B4GALNT2: variants seen among roughly 807,000 people sequenced by gnomAD.
B4GALNT2 encodes beta-1,4-N-acetyl-galactosaminyltransferase 2 (SID blood group), also known as N-acetylneuraminylgalactosylglucosyl-glucoside beta-1,4-N- acetylgalactosaminyltransferase 2.
A neutral mutation model predicts 51.1 loss-of-function variants in B4GALNT2; 42 were observed. The observed-to-expected ratio is 0.82, with a 90% CI of 0.64 to 1.06. B4GALNT2 has a LOEUF of 1.06. Among genes scored for constraint, B4GALNT2 ranks in the 50% least tolerant of loss-of-function variants. The pLI is 0.00. For missense variants in B4GALNT2, 602 were observed against 633.6 expected, an observed-to-expected ratio of 0.95 and a Z score of 0.54; for synonymous variants, 253 against 251.7, an observed-to-expected ratio of 1.01 and a Z score of -0.05.
chr17:49,141,292 A>G lies in B4GALNT2; in HGVS notation c.60A>G (p.Val20=). 1 of 1,614,098 alleles carries G rather than the reference A, an allele frequency of 6.2e-7. No homozygotes were observed. The highest frequency in any genetic ancestry group is 8.5e-7 in the Non-Finnish European group (1 of 1,180,004). The part of the protein sequence containing the change: ...WLLKILVIIL[V]LGIVGFMFGS... Reference sequence around the variant, plus strand: ...TCAAGATATTGGTCATAATCCTGGTACTTGGCATTGTTGGATTTATGTTCG... The same window carrying G: ...TCAAGATATTGGTCATAATCCTGGTGCTTGGCATTGTTGGATTTATGTTCG... The change falls in exon 2 of 11, where the codon GTA becomes GTG. Residue 20 remains valine (V), a synonymous_variant. Transcript: ENST00000393354.
intron 7 of B4GALNT2, 35 bp downstream of exon 7, chr17:49,160,676 A>G (rs951773005): frequency 1.3e-6 from 2 of 1,566,902 alleles, no homozygotes; most frequent in African/African-American, 1.4e-5. Flanking sequence ...CGTGGTGGCA[A>G]CCCTGTGAAG....
At position 49,156,553 on chromosome 17, in the gene B4GALNT2, C is replaced by G; in HGVS notation, c.461-13C>G. The G allele has an allele frequency of 1.2e-6, 2 of 1,613,740 alleles. No individual in the cohort carries two copies. The highest frequency in any genetic ancestry group is 1.7e-6 in the Non-Finnish European group (2 of 1,179,868). The stretch of plus-strand genomic sequence containing the variant: ...CATGAGCAGTTTTCTTTCCTTTTCC[C>G]TGTGTCCTCCAGGCCTCCAGTTTGA... On this transcript the variant is annotated splice_polypyrimidine_tract_variant and intron_variant, in intron 4 of 10. Transcript: ENST00000393354.
At chr17:49,153,728 G>A (rs1171893910) in intron 4 of B4GALNT2, among the ~76,000 whole-genome samples, 3 of 151,916 alleles carry the variant, frequency 2.0e-5, no homozygotes, top group African/African-American at 4.8e-5. Context: ...GGCTAGTCTC[G>A]AATTCCTGAC....
At chr17:49,163,338 G>A (rs2042881213) in intron 7 of B4GALNT2, among the ~76,000 whole-genome samples, 3 of 152,260 alleles carry the variant, frequency 2.0e-5, no homozygotes, top group African/African-American at 7.2e-5. Context: ...CTTTTCTCTA[G>A]GAGTTGCAGA....
At chr17:49,161,895 C>T (rs2042868538) in intron 7 of B4GALNT2, among the ~76,000 whole-genome samples, 1 of 151,502 alleles carries the variant, frequency 6.6e-6, no homozygotes, top group South Asian at 2.1e-4. Context: ...TTTCAAAAAA[C>T]ATTCTTAGGG....
At chr17:49,139,665 T>A (rs1448324431) in intron 1 of B4GALNT2, among the ~76,000 whole-genome samples, 2 of 152,174 alleles carry the variant, frequency 1.3e-5, no homozygotes, top group Admixed American at 6.5e-5. Flanking sequence ...TATAGGCACA[T>A]GCCACGGTGC....
chr17:49,159,596 T>C (rs2042843880), intron 6 of B4GALNT2, among the ~76,000 whole-genome samples: 1 of 152,140 alleles, frequency 6.6e-6, no homozygotes, highest in Non-Finnish European at 1.5e-5. Context: ...TGCCTCAGCC[T>C]CCCAAAGTGC....
At chr17:49,142,733 AC>A (rs2042656741) in intron 3 of B4GALNT2, among the ~76,000 whole-genome samples, 1 of 152,002 alleles carries the variant, frequency 6.6e-6, no homozygotes, top group South Asian at 2.1e-4. Context: ...AACAAAAAAA[AC>A]AAAAGGAATG....
At chr17:49,124,213 A>G in the B4GALNT2 span, among the ~76,000 whole-genome samples, 3,177 of 152,352 alleles carry the variant, frequency 0.021, 109 homozygotes, top group African/African-American at 0.072. Context: ...CAGTTAATGC[A>G]GTTAATTTCT....
chr17:49,156,167 C>T (rs1358889155), intron 4 of B4GALNT2, among the ~76,000 whole-genome samples: 1 of 152,184 alleles, frequency 6.6e-6, no homozygotes, highest in Non-Finnish European at 1.5e-5. Context: ...CTGAATTCCC[C>T]ACTGTCCCTC....
At chr17:49,158,929 C>A in intron 5 of B4GALNT2, 108 bp from the exon 6 acceptor site, 3 of 1,304,070 alleles carry the variant, frequency 2.3e-6, no homozygotes, top group Non-Finnish European at 2.1e-6. Flanking sequence ...CTTCTCCCCT[C>A]ACCCTTATGT....
intron 7 of B4GALNT2, among the ~76,000 whole-genome samples, chr17:49,161,607 C>T (rs1433809597): frequency 6.6e-6 from 1 of 151,744 alleles, no homozygotes; most frequent in Non-Finnish European, 1.5e-5. Context: ...AGAAGTAAAA[C>T]TTGAATATAT....
intron 3 of B4GALNT2, among the ~76,000 whole-genome samples, chr17:49,151,113 G>A (rs1293279808): frequency 1 from 57,105 of 57,196 alleles, 28,512 homozygotes; most frequent in Middle Eastern, 1. Context: ...GGTGGCTCAC[G>A]CCTGTAATCC....
intron 8 of B4GALNT2, among the ~76,000 whole-genome samples, chr17:49,165,655 T>C (rs1416316730): frequency 1.4e-5 from 2 of 138,590 alleles, no homozygotes; most frequent in African/African-American, 5.4e-5. Flanking sequence ...CCCACCTCTC[T>C]CTCTCCTTGC....
intron 5 of B4GALNT2, among the ~76,000 whole-genome samples, chr17:49,157,453 T>G (rs1477990898): frequency 6.7e-6 from 1 of 149,664 alleles, no homozygotes; most frequent in Non-Finnish European, 1.5e-5. Flanking sequence ...CCCAAGTAGC[T>G]GGGACTACAG....
At position 49,173,706 on chromosome 17, in the gene B4GALNT2, G is replaced by A. The variant is rs1010619072; in HGVS notation, c.*3978G>A. 1.3e-5 allele frequency: 2 copies of A among 151,790 alleles called. No individual in the cohort carries two copies. The highest frequency in any genetic ancestry group is 6.6e-5 in the Admixed American group (1 of 15,252). 9.4% of individuals were successfully genotyped at this position (151,790 alleles called of 1,614,324 possible). ...TTCTCCCATTTCCTATCATAGTAGC[G>A]ATTTGATCCAAATAAGGAGTTAGAG... On this transcript the variant is annotated 3_prime_UTR_variant, in exon 11 of 11. Coordinates refer to ENST00000393354, the MANE Select transcript of B4GALNT2 (RefSeq NM_001159387.2).
rs2042820979 is a variant in B4GALNT2 at position 49,157,368 on chromosome 17, TG to T, written c.498+767del. Reference sequence around the variant, plus strand: ...TGGAGTCTCACTCTGTCACCTAGCCTGGAGTGCAGTGGTGCAATCTCTGCTC... The same window carrying T: ...TGGAGTCTCACTCTGTCACCTAGCCTGAGTGCAGTGGTGCAATCTCTGCTC... On this transcript the variant is annotated intron_variant, in intron 5 of 10. Transcript: ENST00000393354. Among the ~76,000 whole-genome samples the T allele has an allele frequency of 2.8e-5, 3 of 108,644 alleles. No individual in the cohort carries two copies. The South Asian group carries it at 1.3e-3, about 47-fold the overall frequency. The allele number at this position is 108,644 out of a possible 152,430, so 71.3% of individuals were successfully genotyped here. A position where few individuals can be genotyped will look rare whatever the true frequency, so the allele number is the denominator to read the frequency against.
At chr17:49,158,534 A>C (rs1488348010) in intron 5 of B4GALNT2, among the ~76,000 whole-genome samples, 1 of 148,716 alleles carries the variant, frequency 6.7e-6, no homozygotes, top group Non-Finnish European at 1.5e-5. Flanking sequence ...GCTACTCAGG[A>C]GGCTGAGGCA....
chr17:49,136,606 G>A (rs2042592890), intron 1 of B4GALNT2, among the ~76,000 whole-genome samples: 1 of 151,808 alleles, frequency 6.6e-6, no homozygotes. Context: ...GAGCACAGTG[G>A]CGCGATCTCA....
Sources: gnomAD v4.1 joint callset for allele counts (sites outside exome capture counted in the v4.1 genomes callset) on GRCh38, gnomAD v4.1.1 for gene constraint, MANE v1.5 for transcripts, NCBI Gene and HGNC (gene_info 2026-07-23, HGNC 2026-07-21) for gene names.